COIL: variants seen among roughly 807,000 people sequenced by gnomAD.
The protein encoded by COIL is coilin.
COIL carries 28 observed loss-of-function variants against 51.6 expected under a neutral mutation model. The ratio of observed to expected loss-of-function variants is 0.54; its 90% CI spans 0.40 to 0.74. The LOEUF (loss-of-function observed/expected upper bound fraction) is 0.74, where lower values mean the gene tolerates loss of function less well. Among genes scored for constraint, COIL ranks in the 30% least tolerant of loss-of-function variants. The pLI is 0.00. For missense variants in COIL, 667 were observed against 685.9 expected (o/e 0.97, Z 0.31); for synonymous variants, 233 against 255.8 (o/e 0.91, Z 0.85).
chr17:56,950,776 G>T lies in COIL; in HGVS notation c.466C>A (p.Gln156Lys), dbSNP rs781389676. 3 of 1,613,746 alleles carry T rather than the reference G, an allele frequency of 1.9e-6. No homozygotes were observed. The highest frequency in any genetic ancestry group is 2.2e-5 in the South Asian group (2 of 91,072). ...LDLEPKAVTD[Q>K]TVSKKNKRKN... ...CTCTTGTTTTTTTTGCTGACAGTCT[G>T]ATCTGTGACAGCTTTTGGTTCCAGA... The change falls in exon 2 of 7, where the codon CAG becomes AAG. Residue 156 changes from glutamine (Q) to lysine (K), a missense_variant. Physicochemically the swap from Gln to Lys is moderately conservative, Grantham distance 53. Transcript: ENST00000240316.
Position 56,960,764 on chromosome 17 carries a change from G to A in COIL, c.245+11C>T. 1 of 1,544,350 alleles carries A rather than the reference G, an allele frequency of 6.5e-7. No individual in the cohort carries two copies. The highest frequency in any genetic ancestry group is 8.7e-7 in the Non-Finnish European group (1 of 1,146,488). ...CGCCCACCCGGCCGTCCCGCTCCCT[G>A]CGCCGCGCACCTGAGGCAGTCGTTG... is the stretch of plus-strand genomic sequence containing the variant. On this transcript the variant is annotated intron_variant, in intron 1 of 6. Transcript: ENST00000240316.
Position 56,949,888 on chromosome 17 carries a change from C to T in COIL, c.1353+1G>A. 1 of 1,612,746 alleles carries T rather than the reference C, an allele frequency of 6.2e-7. No individual in the cohort carries two copies. The highest frequency in any genetic ancestry group is 1.1e-5 in the South Asian group (1 of 90,942). On this transcript the variant is annotated splice_donor_variant, in intron 2 of 6. Coordinates refer to ENST00000240316, the MANE Select transcript of COIL (RefSeq NM_004645.3). LOFTEE classifies it high-confidence loss of function. Reference sequence around the variant, plus strand: ...GATAACTTACAAAAAATAATACTTACCTGGATAATAGTAGATGAATTTTTT... The same window carrying T: ...GATAACTTACAAAAAATAATACTTATCTGGATAATAGTAGATGAATTTTTT...
At chr17:56,952,272 A>G in intron 1 of COIL, 1 of 488,134 alleles carries the variant, frequency 2.0e-6, no homozygotes, top group Admixed American at 2.1e-5. Flanking sequence ...AAGATCTAGA[A>G]AAATGGCAGA....
In COIL at chr17:56,950,686, T is replaced by G; in HGVS notation, c.556A>C (p.Lys186Gln). ...DNEEAKRKSPKKKEKCEYKKK... is the reference protein window; with the variant it reads ...DNEEAKRKSPQKKEKCEYKKK... ...TTATATTCACATTTCTCCTTTTTCT[T>G]TGGTGATTTTCTTTTGGCCTCTTCG... The change falls in exon 2 of 7, where the codon AAG (lysine) becomes CAG (glutamine). Residue 186 changes from lysine to glutamine, a missense_variant. Physicochemically the swap from Lys to Gln is moderately conservative, Grantham distance 53 (BLOSUM62 1). Transcript: ENST00000240316. 3 of 1,609,978 alleles carry G rather than the reference T, an allele frequency of 1.9e-6. No individual in the cohort carries two copies. Among genetic ancestry groups the G allele is most frequent in the Non-Finnish European group, 2.5e-6 (3 of 1,179,126 alleles).
intron 6 of COIL, among the ~76,000 whole-genome samples, chr17:56,939,666 G>GT (rs1271164884): frequency 6.6e-6 from 1 of 152,170 alleles, no homozygotes; most frequent in African/African-American, 2.4e-5. Flanking sequence ...CTTGAACCCA[G>GT]TAGGTGGAGG....
At chr17:56,943,159 T>A (rs1910179840) in intron 5 of COIL, among the ~76,000 whole-genome samples, 1 of 152,254 alleles carries the variant, frequency 6.6e-6, no homozygotes, top group Admixed American at 6.5e-5. Flanking sequence ...AGAGCAAGCA[T>A]CTTCTCTATG....
intron 6 of COIL, among the ~76,000 whole-genome samples, chr17:56,939,470 C>A (rs1910105321): frequency 6.6e-6 from 1 of 151,964 alleles, no homozygotes; most frequent in African/African-American, 2.4e-5. Flanking sequence ...AAAAAAGAGG[C>A]CAGGCATGGT....
chr17:56,956,817 A>C (rs1598099426), intron 1 of COIL, among the ~76,000 whole-genome samples: 1 of 151,980 alleles, frequency 6.6e-6, no homozygotes, highest in Non-Finnish European at 1.5e-5. Flanking sequence ...CTGGTCTCGA[A>C]CTCCTGAGCT....
chr17:56,955,028 T>C (rs1461796548), intron 1 of COIL, among the ~76,000 whole-genome samples: 1 of 152,080 alleles, frequency 6.6e-6, no homozygotes, highest in Non-Finnish European at 1.5e-5. Context: ...ATTACCTAGG[T>C]CACTAGTGAC....
intron 1 of COIL, among the ~76,000 whole-genome samples, chr17:56,955,711 T>C (rs1030058645): frequency 5.3e-5 from 8 of 152,168 alleles, no homozygotes; most frequent in African/African-American, 1.9e-4. Flanking sequence ...TTAGCTCTAA[T>C]TTTTATTAGT....
Position 56,938,941 on chromosome 17 carries a change from A to G in COIL, c.*130T>C, listed in dbSNP as rs1053202418. On this transcript the variant is annotated 3_prime_UTR_variant, in exon 7 of 7. Transcript: ENST00000240316. ...TAAATGATGAGGTAGATTGTTTCCT[A>G]TGCAGTAAAGTGAAGATAACAAAAA... is the stretch of plus-strand genomic sequence containing the variant. The G allele has an allele frequency of 1.8e-6, 1 of 563,492 alleles. No individual in the cohort carries two copies. Among genetic ancestry groups the G allele is most frequent in the Admixed American group, 3.4e-5 (1 of 29,298 alleles). The allele number at this position is 563,492 out of a possible 1,614,324, so 34.9% of individuals were successfully genotyped here.
intron 6 of COIL, chr17:56,940,309 C>G (rs1910121158): frequency 6.6e-6 from 1 of 152,302 alleles, no homozygotes; most frequent in Non-Finnish European, 1.5e-5. Flanking sequence ...CGGGGTCTCG[C>G]CATGTTGCCC....
At chr17:56,957,753 G>C (rs1363873405) in intron 1 of COIL, among the ~76,000 whole-genome samples, 1 of 152,218 alleles carries the variant, frequency 6.6e-6, no homozygotes, top group Non-Finnish European at 1.5e-5. Context: ...CATACAGTCT[G>C]TGGTATTTTG....
chr17:56,948,976 C>G (rs1011561140), intron 4 of COIL, among the ~76,000 whole-genome samples: 2 of 151,806 alleles, frequency 1.3e-5, no homozygotes, highest in Non-Finnish European at 2.9e-5. Context: ...AAAAAAGTAA[C>G]TAAAAAAATT....
In COIL at chr17:56,938,544, C is replaced by T. The variant is rs1910083736; in HGVS notation, c.*527G>A. ...AGTTGGGAAAAACGTGAAAGGATTC[C>T]TTAACTCATTGTCTGCGACAAATCC... On this transcript the variant is annotated 3_prime_UTR_variant, in exon 7 of 7. Coordinates refer to ENST00000240316, the MANE Select transcript of COIL (RefSeq NM_004645.3). 1 of 152,386 alleles carries T rather than the reference C, an allele frequency of 6.6e-6. No individual in the cohort carries two copies. The highest frequency in any genetic ancestry group is 2.4e-5 in the African/African-American group (1 of 41,416). The allele number at this position is 152,386 out of a possible 1,614,324, so 9.4% of individuals were successfully genotyped here. A position where few individuals can be genotyped will look rare whatever the true frequency, so the allele number is the denominator to read the frequency against.
intron 3 of COIL, 33 bp from the exon 4 acceptor site, chr17:56,949,467 A>C: frequency 6.3e-7 from 1 of 1,597,228 alleles, no homozygotes; most frequent in Non-Finnish European, 8.5e-7. Flanking sequence ...CAAATACATA[A>C]GCCCTCTTAT....
chr17:56,945,071 G>A (rs1910221083), intron 5 of COIL, among the ~76,000 whole-genome samples: 1 of 151,802 alleles, frequency 6.6e-6, no homozygotes, highest in Non-Finnish European at 1.5e-5. Context: ...GGGCACAGTG[G>A]CTCACACCTG....
chr17:56,942,544 C>G (rs1028736132), intron 5 of COIL, among the ~76,000 whole-genome samples: 2 of 151,994 alleles, frequency 1.3e-5, no homozygotes, highest in Non-Finnish European at 2.9e-5. Context: ...AAGACAGAGT[C>G]CTGCTTTATC....
At chr17:56,942,279 A>T (rs765861539) in intron 5 of COIL, among the ~76,000 whole-genome samples, 156 bp from the exon 6 acceptor site, 2 of 152,212 alleles carry the variant, frequency 1.3e-5, no homozygotes, top group African/African-American at 2.4e-5. Context: ...AGGGTGCTCA[A>T]TACTGGGGGA....
Sources: allele counts gnomAD v4.1 joint callset (sites outside exome capture counted in the v4.1 genomes callset), GRCh38; gene constraint gnomAD v4.1.1; transcripts MANE v1.5; gene names NCBI Gene and HGNC (gene_info 2026-07-23, HGNC 2026-07-21).